The following SIAH1 variants were observed in gnomAD, a reference collection of about 807,000 sequenced individuals.
SIAH1 encodes siah E3 ubiquitin protein ligase 1.
A neutral mutation model predicts 20.0 loss-of-function variants in SIAH1; 2 were observed. The ratio of observed to expected loss-of-function variants is 0.10; its 90% CI spans 0.04 to 0.31. SIAH1 has a LOEUF of 0.31. SIAH1 is among the 10% of genes least tolerant of loss of function. The pLI, the probability that SIAH1 is intolerant of heterozygous loss-of-function variation, is 1.00. For synonymous variants in SIAH1, 118 were observed against 125.3 expected (o/e 0.94, Z 0.39); for missense variants, 119 against 355.3 (o/e 0.33, Z 5.35).
At chr16:48,369,690 T>C (rs1007958569) in intron 1 of SIAH1, among the ~76,000 whole-genome samples, 6 of 152,216 alleles carry the variant, frequency 3.9e-5, no homozygotes, top group African/African-American at 1.4e-4. Context: ...TGCAATGAGC[T>C]ATGTCTGTGC....
At chr16:48,378,659 T>C (rs1327085767) in intron 1 of SIAH1, among the ~76,000 whole-genome samples, 4 of 152,182 alleles carry the variant, frequency 2.6e-5, no homozygotes, top group African/African-American at 9.7e-5. Context: ...TCTCCTAGAA[T>C]CTCCTTGAAC....
At chr16:48,365,508 C>T (rs989117182) in intron 1 of SIAH1, 3 of 1,605,670 alleles carry the variant, frequency 1.9e-6, no homozygotes, top group Non-Finnish European at 2.5e-6. Context: ...GCGTTTCCCC[C>T]AAGAAGTAAA....
chr16:48,376,915 GT>G (rs1026691092), intron 1 of SIAH1, among the ~76,000 whole-genome samples: 1 of 152,156 alleles, frequency 6.6e-6, no homozygotes, highest in African/African-American at 2.4e-5. Context: ...CCAGGAAGAA[GT>G]TTTTAACAGG....
intron 1 of SIAH1, among the ~76,000 whole-genome samples, chr16:48,366,354 G>C (rs955845861): frequency 2.2e-4 from 34 of 152,184 alleles, no homozygotes; most frequent in African/African-American, 6.7e-4. Context: ...GCTATTTACC[G>C]GGCATCAACT....
intron 1 of SIAH1, among the ~76,000 whole-genome samples, chr16:48,375,164 T>C (rs1028268955): frequency 2.0e-5 from 3 of 152,278 alleles, no homozygotes; most frequent in South Asian, 4.1e-4. Context: ...TCCTCTAATG[T>C]TGGCAAAGGA....
chr16:48,365,822 G>C lies in SIAH1; in HGVS notation c.-2-3392C>G, dbSNP rs897196345. ...CTGCCCAGCTCCAGTGGAGGCCACGGATGCAGGGGGCGACGCGCTGGCTGA... is the reference window on the plus strand; with the variant it reads ...CTGCCCAGCTCCAGTGGAGGCCACGCATGCAGGGGGCGACGCGCTGGCTGA... On this transcript the variant is annotated intron_variant, in intron 1 of 1. Coordinates refer to ENST00000394725, the MANE Select transcript of SIAH1 (RefSeq NM_003031.4). 176 of 1,250,460 alleles carry C rather than the reference G, an allele frequency of 1.4e-4. 2 individuals carry two copies. Among genetic ancestry groups the C allele is most frequent in the East Asian group, 1.1e-3 (37 of 33,002 alleles). 77.5% of individuals were successfully genotyped at this position (1,250,460 alleles called of 1,614,324 possible). A position where few individuals can be genotyped will look rare whatever the true frequency, so the allele number is the denominator to read the frequency against.
chr16:48,381,713 T>C (rs186201293), intron 1 of SIAH1, among the ~76,000 whole-genome samples: 97 of 152,242 alleles, frequency 6.4e-4, no homozygotes, highest in Admixed American at 1.4e-3. Flanking sequence ...GGCAAAACTA[T>C]GGTGACAATA....
intron 1 of SIAH1, among the ~76,000 whole-genome samples, chr16:48,372,349 T>G (rs1310254710): frequency 6.6e-6 from 1 of 152,228 alleles, no homozygotes; most frequent in Non-Finnish European, 1.5e-5. Flanking sequence ...TTTAGTTATT[T>G]CAACTAAGGA....
intron 1 of SIAH1, among the ~76,000 whole-genome samples, chr16:48,372,204 T>C (rs1869137446): frequency 6.6e-6 from 1 of 152,184 alleles, no homozygotes; most frequent in Non-Finnish European, 1.5e-5. Flanking sequence ...TAGAAAAAAG[T>C]AATGGAATTT....
intron 1 of SIAH1, chr16:48,363,408 C>T (rs1268339291): frequency 6.0e-6 from 1 of 166,986 alleles, no homozygotes; most frequent in East Asian, 1.9e-4. Flanking sequence ...GGGATGTACT[C>T]GCTAGTGAAG....
At chr16:48,381,022 C>A (rs1961274078) in intron 1 of SIAH1, among the ~76,000 whole-genome samples, 1 of 151,026 alleles carries the variant, frequency 6.6e-6, no homozygotes, top group Admixed American at 6.6e-5. Flanking sequence ...TCATTCATTG[C>A]TTGTAGGAAT....
At chr16:48,373,247 C>T (rs1175367484) in intron 1 of SIAH1, among the ~76,000 whole-genome samples, 1 of 152,176 alleles carries the variant, frequency 6.6e-6, no homozygotes, top group Non-Finnish European at 1.5e-5. Context: ...ATTTTCATCT[C>T]CAGCCCAGAT....
chr16:48,372,067 A>C (rs1960999548), intron 1 of SIAH1, among the ~76,000 whole-genome samples: 1 of 152,180 alleles, frequency 6.6e-6, no homozygotes, highest in Non-Finnish European at 1.5e-5. Flanking sequence ...AGTAATCTAT[A>C]TTTGGGATAC....
chr16:48,380,490 A>G (rs1961247085), intron 1 of SIAH1, among the ~76,000 whole-genome samples: 1 of 152,014 alleles, frequency 6.6e-6, no homozygotes, highest in Non-Finnish European at 1.5e-5. Context: ...CTCACCAATA[A>G]CAAAACAACC....
At chr16:48,373,153 T>C (rs147078300) in intron 1 of SIAH1, among the ~76,000 whole-genome samples, 36 of 152,330 alleles carry the variant, frequency 2.4e-4, no homozygotes, top group Admixed American at 7.8e-4. Flanking sequence ...CCCTAAGATG[T>C]TCTTTTCTTA....
chr16:48,371,175 A>T (rs530118698), intron 1 of SIAH1, among the ~76,000 whole-genome samples: 1 of 152,014 alleles, frequency 6.6e-6, no homozygotes, highest in African/African-American at 2.4e-5. Context: ...CAGCTACTCA[A>T]GAGGCTGAAG....
At chr16:48,373,404 G>A (rs1320870093) in intron 1 of SIAH1, among the ~76,000 whole-genome samples, 2 of 152,132 alleles carry the variant, frequency 1.3e-5, no homozygotes, top group Admixed American at 6.5e-5. Flanking sequence ...AATTAATAGA[G>A]ACTCCATCCT....
intron 1 of SIAH1, among the ~76,000 whole-genome samples, chr16:48,370,930 G>A (rs552675346): frequency 1.8e-4 from 27 of 152,008 alleles, no homozygotes; most frequent in African/African-American, 5.8e-4. Context: ...CCTGGCCAAC[G>A]TGGTAAAAAG....
At chr16:48,385,735 G>A (rs1409134330), upstream of SIAH1, among the ~76,000 whole-genome samples, 1 of 152,076 alleles carries the variant, frequency 6.6e-6, no homozygotes, top group East Asian at 2.0e-4. Flanking sequence ...GCTTTGTTCC[G>A]GGGCCGCGTG....
Sources: gnomAD v4.1 joint callset for allele counts (sites outside exome capture counted in the v4.1 genomes callset) on GRCh38, gnomAD v4.1.1 for gene constraint, MANE v1.5 for transcripts, NCBI Gene and HGNC (gene_info 2026-07-23, HGNC 2026-07-21) for gene names.